ABCE1: variants seen among roughly 807,000 people sequenced by gnomAD.
ABCE1 encodes the protein ATP binding cassette subfamily E member 1, also known as ATP-binding cassette sub-family E member 1.
Under a neutral mutation model 83.4 loss-of-function variants are expected in ABCE1, and 22 were observed. The observed-to-expected ratio is 0.26, with a 90% CI of 0.19 to 0.38. The LOEUF (loss-of-function observed/expected upper bound fraction) is 0.38, where lower values mean the gene tolerates loss of function less well. Ranked by LOEUF, ABCE1 falls within the 10% of genes least tolerant of loss-of-function variation. The pLI is 1.00. For missense variants in ABCE1, 330 were observed against 721.9 expected (o/e 0.46, Z 6.22); for synonymous variants, 204 against 233.7 (o/e 0.87, Z 1.16).
intron 3 of ABCE1, 71 bp from the exon 4 acceptor site, chr4:145,107,944 T>TTA (rs1453890071): frequency 7.0e-6 from 8 of 1,142,832 alleles, no homozygotes; most frequent in Non-Finnish European, 9.9e-6. Context: ...AAAAATATTT[T>TTA]TAATCCATTT....
In ABCE1 at chr4:145,110,234, T is replaced by C. The variant is rs765216926; in HGVS notation, c.537T>C (p.Ala179=). 2.5e-6 allele frequency: 4 copies of C among 1,599,662 alleles called. No homozygotes were observed. In the Admixed American group the frequency reaches 7.1e-5, roughly 28 times the overall value. ...KPQYVDQIPK[A]AKGTVGSILD... The stretch of plus-strand genomic sequence containing the variant: ...AATATGTAGACCAGATTCCTAAGGC[T>C]GCAAAGGTCGGTTTTTGATAGAGGG... The change falls in exon 6 of 18, where the codon GCT becomes GCC. Residue 179 remains alanine (A), a synonymous_variant. Coordinates refer to ENST00000296577, the MANE Select transcript of ABCE1 (RefSeq NM_002940.3).
At chr4:145,112,147 G>C (rs1203716055) in intron 8 of ABCE1, 92 bp from the exon 9 acceptor site, 4 of 839,458 alleles carry the variant, frequency 4.8e-6, no homozygotes, top group Non-Finnish European at 7.2e-6. Flanking sequence ...TAACTCAAAA[G>C]CTCTTGATAC....
intron 8 of ABCE1, among the ~76,000 whole-genome samples, chr4:145,111,317 T>A (rs1192112039): frequency 1.3e-5 from 2 of 152,174 alleles, no homozygotes; most frequent in East Asian, 3.8e-4. Context: ...AAGTCAGTTA[T>A]TCATTATCTA....
intron 1 of ABCE1, among the ~76,000 whole-genome samples, chr4:145,103,766 GT>G (rs4148236): frequency 0.019 from 2,685 of 138,388 alleles, 75 homozygotes; most frequent in African/African-American, 0.064. Context: ...GTTGGTTGGG[GT>G]TTTTTTTTTT....
intron 4 of ABCE1, among the ~76,000 whole-genome samples, chr4:145,108,432 G>A (rs1015858408): frequency 5.3e-5 from 8 of 152,244 alleles, no homozygotes; most frequent in Admixed American, 2.6e-4. Flanking sequence ...AGTCACTGTT[G>A]TTCCTAGTAC....
In ABCE1 at chr4:145,117,375, G is replaced by C; in HGVS notation, c.883G>C (p.Ala295Pro). ...CTGCTGTTTATATGGTGTACCAAGC[G>C]CCTATGGAGTTGTCACTATGCCTTT... is the stretch of plus-strand genomic sequence containing the variant. Reference protein sequence around the residue: ...FICCLYGVPSAYGVVTMPFSV... With the variant: ...FICCLYGVPSPYGVVTMPFSV... Residue 295 changes from alanine to proline, a missense_variant, in exon 10 of 18, where the codon GCC becomes CCC. Transcript: ENST00000296577. 1 of 1,611,158 alleles carries C rather than the reference G, an allele frequency of 6.2e-7. No individual in the cohort carries two copies. Among genetic ancestry groups the C allele is most frequent in the Non-Finnish European group, 8.5e-7 (1 of 1,178,260 alleles).
intron 9 of ABCE1, among the ~76,000 whole-genome samples, chr4:145,115,736 A>G (rs1017481160): frequency 2.0e-5 from 3 of 151,950 alleles, no homozygotes; most frequent in Non-Finnish European, 4.4e-5. Context: ...GAACATTTTC[A>G]TAATTGTAGA....
intron 4 of ABCE1, among the ~76,000 whole-genome samples, chr4:145,108,792 A>G (rs1403842027): frequency 6.6e-5 from 10 of 152,222 alleles, no homozygotes; most frequent in Admixed American, 6.5e-4. Context: ...ATTTTGTACC[A>G]AAGCATTTTG....
At position 145,121,315 on chromosome 4, in the gene ABCE1, T is replaced by C. The variant is rs762482071; in HGVS notation, c.1205-18T>C. 2 of 1,612,902 alleles carry C rather than the reference T, an allele frequency of 1.2e-6. No homozygotes were observed. The highest frequency in any genetic ancestry group is 1.1e-5 in the South Asian group (1 of 90,928). ...TCTGGGCAGTTTTTAGTGTCTTATG[T>C]ATTTCATTATTTTGCAGGAGAAGTA... is the stretch of plus-strand genomic sequence containing the variant. On this transcript the variant is annotated intron_variant, in intron 12 of 17. Coordinates refer to ENST00000296577, the MANE Select transcript of ABCE1 (RefSeq NM_002940.3).
At chr4:145,124,772 T>G (rs987940695) in intron 16 of ABCE1, among the ~76,000 whole-genome samples, 1 of 152,180 alleles carries the variant, frequency 6.6e-6, no homozygotes, top group Non-Finnish European at 1.5e-5. Context: ...ATTTTTTTTT[T>G]GTTTTGCACA....
chr4:145,127,007 C>A (rs1022603857), intron 17 of ABCE1, among the ~76,000 whole-genome samples: 1 of 152,130 alleles, frequency 6.6e-6, no homozygotes, highest in Admixed American at 6.5e-5. Context: ...ATGGTTCAGT[C>A]ACCATGAGTT....
At chr4:145,107,962 GT>G in intron 3 of ABCE1, 52 bp from the exon 4 acceptor site, 1 of 1,354,812 alleles carries the variant, frequency 7.4e-7, no homozygotes, top group Non-Finnish European at 1.0e-6. Context: ...TTTTAGTTAT[GT>G]GTATATGTCT....
At chr4:145,108,259 C>T (rs185213570) in intron 4 of ABCE1, 147 bp downstream of exon 4, 14 of 725,796 alleles carry the variant, frequency 1.9e-5, no homozygotes, top group Non-Finnish European at 2.8e-5. Context: ...CAGAATCATA[C>T]TGCATATGTC....
intron 17 of ABCE1, 136 bp from the exon 18 acceptor site, chr4:145,127,390 A>T (rs1749915594): frequency 1.4e-6 from 1 of 710,706 alleles, no homozygotes; most frequent in African/African-American, 1.9e-5. Context: ...GAATATCCAG[A>T]AACAGATGGT....
intron 17 of ABCE1, among the ~76,000 whole-genome samples, chr4:145,125,986 A>T (rs1749875498): frequency 6.6e-6 from 1 of 152,100 alleles, no homozygotes; most frequent in Non-Finnish European, 1.5e-5. Flanking sequence ...GGTTGCAGTG[A>T]GCTGAGATCG....
rs573684914 is a variant in ABCE1 at position 145,102,202 on chromosome 4, A to G, written c.-27-2184A>G. Among the ~76,000 whole-genome samples, 9 of 152,356 alleles carry G rather than the reference A, an allele frequency of 5.9e-5. No homozygotes were observed. The South Asian group carries it at 1.9e-3, about 32-fold the overall frequency. On this transcript the variant is annotated intron_variant, in intron 1 of 17. Transcript: ENST00000296577. ...CATTTGTTTTAGCCATGTGAAGAAC[A>G]ATGATGGCTCGAAAAGTTTTGATTA... is the stretch of plus-strand genomic sequence containing the variant.
At chr4:145,117,721 A>AT (rs1311383793) in intron 10 of ABCE1, among the ~76,000 whole-genome samples, 3 of 151,518 alleles carry the variant, frequency 2.0e-5, no homozygotes, top group Non-Finnish European at 4.4e-5. Context: ...AGTATTTGTC[A>AT]TTTTCAAATT....
chr4:145,121,617 T>C, intron 13 of ABCE1: 1 of 418,356 alleles, frequency 2.4e-6, no homozygotes. Context: ...CTCACGCCTG[T>C]AATGCCAACA....
At chr4:145,099,591 G>A (rs1040099405) in intron 1 of ABCE1, among the ~76,000 whole-genome samples, 1 of 152,156 alleles carries the variant, frequency 6.6e-6, no homozygotes, top group Admixed American at 6.5e-5. Context: ...TTGGGAGAGA[G>A]GGGGAGAAAA....
Sources: allele counts gnomAD v4.1 joint callset (sites outside exome capture counted in the v4.1 genomes callset), GRCh38; gene constraint gnomAD v4.1.1; transcripts MANE v1.5; gene names NCBI Gene and HGNC (gene_info 2026-07-23, HGNC 2026-07-21).